Variants in IGSF10 observed in about 807,000 individuals in gnomAD.
The protein encoded by IGSF10 is calvaria mechanical force protein 608.
In IGSF10, 126 loss-of-function variants were observed where a neutral mutation model predicts 128.2. The ratio of observed to expected loss-of-function variants is 0.98; its 90% confidence interval spans 0.85 to 1.14. The LOEUF (loss-of-function observed/expected upper bound fraction) is 1.14. Ranked by LOEUF, IGSF10 falls within the 50% of genes most tolerant of loss-of-function variation. The pLI, the probability that IGSF10 is intolerant of heterozygous loss-of-function variation, is 0.00. For synonymous variants in IGSF10, 1,185 were observed against 1,146.2 expected (o/e 1.03, Z -0.68); for missense variants, 3,295 against 3,149.8 (o/e 1.05, Z -1.10).
downstream of IGSF10, chr3:151,436,178 G>GAATC (rs1253323870): frequency 1.3e-5 from 2 of 152,328 alleles, no homozygotes; most frequent in Admixed American, 6.5e-5. Flanking sequence ...AACAAATGGT[G>GAATC]AATCATAAGA....
At chr3:151,520,937 C>T in the IGSF10 span, among the ~76,000 whole-genome samples, 14 of 135,154 alleles carry the variant, frequency 1.0e-4, no homozygotes, top group Admixed American at 6.8e-4. Context: ...CACAGAGTAG[C>T]AATCTGGATT....
At chr3:151,602,407 G>A in the IGSF10 span, among the ~76,000 whole-genome samples, 2 of 151,992 alleles carry the variant, frequency 1.3e-5, no homozygotes. Context: ...ACTTTTCCTT[G>A]GCAAATTATT....
Position 151,449,000 on chromosome 3 carries a change from T to G in IGSF10, c.981A>C (p.Glu327Asp), listed in dbSNP as rs1454337511. Reference protein sequence around the residue: ...TLNMTDQSGNEANMVCSIQKP... With the variant: ...TLNMTDQSGNDANMVCSIQKP... Reference sequence around the variant, plus strand: ...TTTGAATACTGCAGACCATGTTAGCTTCATTTCCAGACTGATCTGTCATAT... The same window carrying G: ...TTTGAATACTGCAGACCATGTTAGCGTCATTTCCAGACTGATCTGTCATAT... Residue 327 changes from glutamate to aspartate, a missense_variant, in exon 6 of 8, where the codon GAA (glutamate) becomes GAC (aspartate). Physicochemically the swap from Glu to Asp is conservative, Grantham distance 45. Coordinates refer to ENST00000282466, the MANE Select transcript of IGSF10 (RefSeq NM_178822.5). 1 of 1,614,106 alleles carries G rather than the reference T, an allele frequency of 6.2e-7. No homozygotes were observed. Among genetic ancestry groups the G allele is most frequent in the Non-Finnish European group, 8.5e-7 (1 of 1,180,030 alleles).
chr3:151,588,706 G>A, the IGSF10 span, among the ~76,000 whole-genome samples: 1 of 152,186 alleles, frequency 6.6e-6, no homozygotes, highest in East Asian at 1.9e-4. Context: ...GAATGTCATG[G>A]TGAGGAAGAC....
rs1201303350 is a variant in IGSF10 at position 151,448,758 on chromosome 3, G to A, written c.1223C>T (p.Ala408Val). 1.9e-6 allele frequency: 3 copies of A among 1,613,710 alleles called. No homozygotes were observed. The highest frequency in any genetic ancestry group is 2.2e-5 in the South Asian group (2 of 91,078). The change falls in exon 6 of 8, where the codon GCT becomes GTT. Residue 408 changes from alanine to valine, a missense_variant. By Grantham distance (64) the Ala-to-Val change is moderately conservative (BLOSUM62 0). Coordinates refer to ENST00000282466, the MANE Select transcript of IGSF10 (RefSeq NM_178822.5). ...PQLYYKYKQV[A>V]PKPEDIFTNI... ...GGTAAAAATGTCTTCAGGCTTAGGA[G>A]CCACCTGTTTATATTTGTAATAGAG...
At position 151,447,349 on chromosome 3, in the gene IGSF10, T is replaced by G; in HGVS notation, c.2632A>C (p.Met878Leu). 6.2e-7 allele frequency: 1 copy of G among 1,614,194 alleles called. No homozygotes were observed. The highest frequency in any genetic ancestry group is 8.5e-7 in the Non-Finnish European group (1 of 1,180,018). Residue 878 changes from methionine (M) to leucine (L), a missense_variant, in exon 6 of 8, where the codon ATG (methionine) becomes CTG (leucine). Coordinates refer to ENST00000282466, the MANE Select transcript of IGSF10 (RefSeq NM_178822.5). ...GTTGTGCCTTGTATTTGGCTTGACA[T>G]GGTTGGGTTTATATTCTTTGACATG... is the stretch of plus-strand genomic sequence containing the variant. ...TAMSKNINPT[M>L]SSQIQGTTNQ...
chr3:151,508,593 G>T, the IGSF10 span, among the ~76,000 whole-genome samples: 1 of 152,064 alleles, frequency 6.6e-6, no homozygotes, highest in African/African-American at 2.4e-5. Context: ...AATGACTATT[G>T]TTTTACAGTG....
the IGSF10 span, among the ~76,000 whole-genome samples, chr3:151,541,685 A>G: frequency 3.3e-5 from 5 of 152,050 alleles, no homozygotes; most frequent in Admixed American, 3.3e-4. Context: ...TCTTACTAAT[A>G]CCTCCTCATG....
At chr3:151,481,255 C>T in the IGSF10 span, among the ~76,000 whole-genome samples, 6 of 152,174 alleles carry the variant, frequency 3.9e-5, no homozygotes, top group Non-Finnish European at 7.3e-5. Context: ...CCTTGCCTAT[C>T]TGGAAATACA....
In IGSF10 at chr3:151,443,694, A is replaced by C. The variant is rs1456134010; in HGVS notation, c.5253T>G (p.Arg1751=). ...VSYPPRILER[R]TKEITVHSGS... ...CGGAATGAACTGTGATCTCTTTGGT[A>C]CGTCTCTCCAGGATCCTGGGAGGAT... The change falls in exon 7 of 8, where the codon CGT becomes CGG. Residue 1751 remains arginine, a synonymous_variant. Coordinates refer to ENST00000282466, the MANE Select transcript of IGSF10 (RefSeq NM_178822.5). 4 of 1,614,138 alleles carry C rather than the reference A, an allele frequency of 2.5e-6. No homozygotes were observed.
At position 151,445,335 on chromosome 3, in the gene IGSF10, G is replaced by A. The variant is rs1721118571; in HGVS notation, c.4646C>T (p.Ser1549Phe). The stretch of plus-strand genomic sequence containing the variant: ...TGTTGTTAGTGCTGGCATGGGAGTA[G>A]AATGTAACAGATTAGAGTAGATGAA... ...THFIYSNLLH[S>F]TPMPALTTVK... The change falls in exon 6 of 8, where the codon TCT (serine) becomes TTT (phenylalanine). Residue 1549 changes from serine (S) to phenylalanine (F), a missense_variant. Coordinates refer to ENST00000282466, the MANE Select transcript of IGSF10 (RefSeq NM_178822.5). The A allele has an allele frequency of 1.2e-6, 2 of 1,614,072 alleles. No homozygotes were observed. The highest frequency in any genetic ancestry group is 2.7e-5 in the African/African-American group (2 of 74,938).
the IGSF10 span, among the ~76,000 whole-genome samples, chr3:151,611,169 C>G: frequency 6.6e-6 from 1 of 152,158 alleles, no homozygotes; most frequent in Admixed American, 6.5e-5. Flanking sequence ...TCTAATTTAG[C>G]TTGTCATATG....
chr3:151,597,273 A>G, the IGSF10 span, among the ~76,000 whole-genome samples: 2 of 152,196 alleles, frequency 1.3e-5, no homozygotes, highest in African/African-American at 4.8e-5. Flanking sequence ...AATAACACAC[A>G]TTGATTAAAT....
At chr3:151,596,605 C>T in the IGSF10 span, among the ~76,000 whole-genome samples, 4 of 152,086 alleles carry the variant, frequency 2.6e-5, no homozygotes, top group East Asian at 3.9e-4. Context: ...GTCTTAGAGA[C>T]GCCTTCTTTC....
rs1366558999 is a variant in IGSF10, at chr3:151,443,283, CTG to C, written c.5662_5663del (p.Gln1888ValfsTer28). 5 of 1,613,104 alleles carry C rather than the reference CTG, an allele frequency of 3.1e-6. No homozygotes were observed. The Admixed American group carries it at 6.7e-5, about 22-fold the overall frequency. On this transcript the variant is annotated frameshift_variant, in exon 7 of 8. Transcript: ENST00000282466. LOFTEE classifies it high-confidence loss of function. Reference sequence around the variant, plus strand: ...ATAAGAACAACTTGGAATTGGTAAACTGTAATGGTTTCACTTCAGTGCCATCA... The same window carrying C: ...ATAAGAACAACTTGGAATTGGTAAACTAATGGTTTCACTTCAGTGCCATCA... Reference protein sequence around the residue: ...LSDGTEVKPLQFTNSKLFLFS... With the variant: ...LSDGTEVKPLXFTNSKLFLFS...
chr3:151,523,596 G>A, the IGSF10 span, among the ~76,000 whole-genome samples: 1 of 152,092 alleles, frequency 6.6e-6, no homozygotes, highest in African/African-American at 2.4e-5. Flanking sequence ...AATGGTGCTG[G>A]GATAACTGGC....
Position 151,445,695 on chromosome 3 carries a change from G to A in IGSF10, c.4286C>T (p.Thr1429Ile), listed in dbSNP as rs146398397. The A allele has an allele frequency of 6.2e-7, 1 of 1,614,126 alleles. No individual in the cohort carries two copies. The highest frequency in any genetic ancestry group is 1.3e-5 in the African/African-American group (1 of 74,936). Residue 1429 changes from threonine (T) to isoleucine (I), a missense_variant, in exon 6 of 8, where the codon ACT (threonine) becomes ATT (isoleucine). Transcript: ENST00000282466. ...DVIEELAQAS[T>I]QTLKSTIASE... ...AGCAATTGTGCTCTTCAAAGTCTGAGTACTTGCTTGGGCTAGTTCTTCAAT... is the reference window on the plus strand; with the variant it reads ...AGCAATTGTGCTCTTCAAAGTCTGAATACTTGCTTGGGCTAGTTCTTCAAT...
rs1234767669 is a variant in IGSF10, at chr3:151,447,430, G to A, written c.2551C>T (p.Leu851=). The A allele has an allele frequency of 6.2e-7, 1 of 1,614,064 alleles. No homozygotes were observed. The highest frequency in any genetic ancestry group is 2.2e-5 in the East Asian group (1 of 44,884). Residue 851 remains leucine, a synonymous_variant, in exon 6 of 8, where the codon CTA becomes TTA. Transcript: ENST00000282466. ...AAATCTGTGGGTTCTTCAGGTGGTA[G>A]TATTTGTGAATTCACAACAGGAGAG... ...EFSPVVNSQI[L]PPEEPTDFKL... is the part of the protein sequence containing the mutation.
chr3:151,464,902 C>G (rs542597007), upstream of IGSF10, among the ~76,000 whole-genome samples: 6 of 152,312 alleles, frequency 3.9e-5, no homozygotes, highest in South Asian at 1.2e-3. Flanking sequence ...CAACTAAAGT[C>G]AAACTACATG....
Sources: allele counts gnomAD v4.1 joint callset (sites outside exome capture counted in the v4.1 genomes callset), GRCh38; gene constraint gnomAD v4.1.1; transcripts MANE v1.5; gene names NCBI Gene and HGNC (gene_info 2026-07-23, HGNC 2026-07-21).